The following SERPINB9 variants were observed in gnomAD, a reference collection of about 807,000 sequenced individuals.
The protein encoded by SERPINB9 is serpin family B member 9, also known as serpin B9.
SERPINB9 carries 20 observed loss-of-function variants against 27.2 expected under a neutral mutation model. The ratio of observed to expected loss-of-function variants is 0.74; its 90% CI spans 0.52 to 1.07. SERPINB9 has a LOEUF of 1.07. Ranked by LOEUF, SERPINB9 falls within the 50% of genes least tolerant of loss-of-function variation. The probability of loss-of-function intolerance (pLI) is 0.00; values close to 1 mark genes in which losing one functional copy is unlikely to be tolerated. For missense variants in SERPINB9, 476 were observed against 460.1 expected (o/e 1.03, Z -0.32); for synonymous variants, 189 against 180.0 (o/e 1.05, Z -0.40).
At position 2,891,688 on chromosome 6, in the gene SERPINB9, C is replaced by A. The variant is rs1767802537; in HGVS notation, c.723+145G>T. On this transcript the variant is annotated intron_variant, in intron 6 of 6. Transcript: ENST00000380698. The surrounding 1 kb of genome is among the most constrained non-coding windows in gnomAD (Gnocchi z 4.0). ...AATATTGGGAAAAGTCAGCCTTGAA[C>A]AAAAGTTCGATCCCAACGCCAAGTG... 1 of 880,282 alleles carries A rather than the reference C, an allele frequency of 1.1e-6. No individual in the cohort carries two copies. Among genetic ancestry groups the A allele is most frequent in the African/African-American group, 1.7e-5 (1 of 57,872 alleles). 54.5% of individuals were successfully genotyped at this position (880,282 alleles called of 1,614,324 possible). A position where few individuals can be genotyped will look rare whatever the true frequency, so the allele number is the denominator to read the frequency against.
rs1027972599 is a variant in SERPINB9, at chr6:2,891,011, G to A, written c.724-441C>T. Among the ~76,000 whole-genome samples, 8 of 152,160 alleles carry A rather than the reference G, an allele frequency of 5.3e-5. No individual in the cohort carries two copies. The highest frequency in any genetic ancestry group is 3.8e-4 in the East Asian group (2 of 5,202). Reference sequence around the variant, plus strand: ...CCAGGTGAGATTCTGCATAGTTTCCGGAGCAGAGAGGTTACCAGAGGATTA... The same window carrying A: ...CCAGGTGAGATTCTGCATAGTTTCCAGAGCAGAGAGGTTACCAGAGGATTA... On this transcript the variant is annotated intron_variant, in intron 6 of 6. Transcript: ENST00000380698. This position sits in a 1 kb window ranked among gnomAD's most constrained non-coding sequence, Gnocchi z 4.0.
rs1018300577 is a variant in SERPINB9 at position 2,887,470 on chromosome 6, C to T, written c.*2693G>A. ...TTCAAGAGCCAATAAATGCATAGAA[C>T]ACTTTCACCACTAATAAAAGAAATG... On this transcript the variant is annotated 3_prime_UTR_variant, in exon 7 of 7. Transcript: ENST00000380698. 1 of 152,136 alleles carries T rather than the reference C, an allele frequency of 6.6e-6. No individual in the cohort carries two copies. Among genetic ancestry groups the T allele is most frequent in the African/African-American group, 2.4e-5 (1 of 41,420 alleles). 9.4% of individuals were successfully genotyped at this position (152,136 alleles called of 1,614,324 possible). A position where few individuals can be genotyped will look rare whatever the true frequency, so the allele number is the denominator to read the frequency against.
intron 1 of SERPINB9, among the ~76,000 whole-genome samples, chr6:2,902,971 C>T (rs998817172): frequency 6.6e-6 from 1 of 152,214 alleles, no homozygotes; most frequent in African/African-American, 2.4e-5. Context: ...AGGAGACATC[C>T]GGGAGGGAGG....
rs1475393998 is a variant in SERPINB9, at chr6:2,888,777, TAAC to T, written c.*1383_*1385del. 6.6e-6 allele frequency: 1 copy of T among 152,152 alleles called. No individual in the cohort carries two copies. The highest frequency in any genetic ancestry group is 2.4e-5 in the African/African-American group (1 of 41,428). The allele number at this position is 152,152 out of a possible 1,614,324, so 9.4% of individuals were successfully genotyped here. A position where few individuals can be genotyped will look rare whatever the true frequency, so the allele number is the denominator to read the frequency against. The stretch of plus-strand genomic sequence containing the variant: ...AAAGGTGGTGGTTATGCAACATTGT[TAAC>T]AATACTAAGTGGCACTGAACTTCTC... On this transcript the variant is annotated 3_prime_UTR_variant, in exon 7 of 7. Coordinates refer to ENST00000380698, the MANE Select transcript of SERPINB9 (RefSeq NM_004155.6).
In SERPINB9 at chr6:2,890,317, C is replaced by T. The variant is rs760340465; in HGVS notation, c.977G>A (p.Gly326Asp). The T allele has an allele frequency of 3.7e-6, 6 of 1,614,210 alleles. No individual in the cohort carries two copies. Among genetic ancestry groups the T allele is most frequent in the Non-Finnish European group, 3.4e-6 (4 of 1,180,032 alleles). ...HKSFVEVNEE[G>D]TEAAAASSCF... is the part of the protein sequence containing the mutation. ...GCTCGACGCTGCCGCTGCCTCGGTG[C>T]CTTCTTCATTCACCTCCACAAAACT... Residue 326 changes from glycine to aspartate, a missense_variant, in exon 7 of 7, where the codon GGC becomes GAC. Gly to Asp is a moderately conservative substitution (Grantham distance 94). Transcript: ENST00000380698. The surrounding 1 kb of genome is among the most constrained non-coding windows in gnomAD (Gnocchi z 6.2).
chr6:2,902,078 GC>G (rs1471727512), intron 1 of SERPINB9, among the ~76,000 whole-genome samples: 1 of 152,126 alleles, frequency 6.6e-6, no homozygotes. Flanking sequence ...TTACCCACCT[GC>G]CCCCTCCCTT....
chr6:2,902,928 G>GCAGGGGAGGGCTTCGGC (rs1768250567), intron 1 of SERPINB9, among the ~76,000 whole-genome samples: 3 of 152,228 alleles, frequency 2.0e-5, no homozygotes, highest in Admixed American at 1.3e-4. Context: ...GGAGGAGGCT[G>GCAGGGGAGGGCTTCGGC]CAGGGGAGGG....
At chr6:2,893,649 T>C (rs1767900876) in intron 4 of SERPINB9, 96 bp from the exon 5 acceptor site, 3 of 1,144,300 alleles carry the variant, frequency 2.6e-6, no homozygotes, top group South Asian at 3.1e-5. Flanking sequence ...AAACTTCTGT[T>C]TTCAACTTTG....
rs756179047 is a variant in SERPINB9 at position 2,891,850 on chromosome 6, C to G, written c.706G>C (p.Gly236Arg). 2 of 1,606,890 alleles carry G rather than the reference C, an allele frequency of 1.2e-6. No homozygotes were observed. The highest frequency in any genetic ancestry group is 2.2e-5 in the South Asian group (2 of 90,980). The part of the protein sequence containing the change: ...LSLLVLLPDD[G>R]VELSTVEKSL... ...GGTCTTACCGTGCTGAGCTCCACGC[C>G]GTCGTCAGGCAGCAGCACCAGCAGG... is the stretch of plus-strand genomic sequence containing the variant. Residue 236 changes from glycine to arginine, a missense_variant, in exon 6 of 7, where the codon GGC (glycine) becomes CGC (arginine). Gly to Arg is a moderately radical substitution (Grantham distance 125). Transcript: ENST00000380698. The surrounding 1 kb of genome is among the most constrained non-coding windows in gnomAD (Gnocchi z 4.0).
Position 2,889,897 on chromosome 6 carries a change from A to C in SERPINB9, c.*266T>G, listed in dbSNP as rs1475119720. The C allele has an allele frequency of 2.8e-6, 1 of 359,392 alleles. No individual in the cohort carries two copies. The highest frequency in any genetic ancestry group is 2.0e-5 in the African/African-American group (1 of 49,980). The allele number at this position is 359,392 out of a possible 1,614,324, so 22.3% of individuals were successfully genotyped here. ...TGAATTGCATGTGGAATTCTAGAAG[A>C]ACTTTGCTTGCCATCCTATGGGATT... is the stretch of plus-strand genomic sequence containing the variant. On this transcript the variant is annotated 3_prime_UTR_variant, in exon 7 of 7. Transcript: ENST00000380698.
Position 2,891,562 on chromosome 6 carries a change from C to G in SERPINB9, c.723+271G>C, listed in dbSNP as rs1767799533. 6.6e-6 allele frequency among the ~76,000 whole-genome samples: 1 copy of G among 152,132 alleles called. No individual in the cohort carries two copies. The highest frequency in any genetic ancestry group is 2.1e-4 in the South Asian group (1 of 4,826). ...CTAGCAGGATTTTTATAAGCTTCCTCCTACCTGATTTATTTTAAAAGGCAT... is the reference window on the plus strand; with the variant it reads ...CTAGCAGGATTTTTATAAGCTTCCTGCTACCTGATTTATTTTAAAAGGCAT... On this transcript the variant is annotated intron_variant, in intron 6 of 6. Coordinates refer to ENST00000380698, the MANE Select transcript of SERPINB9 (RefSeq NM_004155.6). The surrounding 1 kb of genome is among the most constrained non-coding windows in gnomAD (Gnocchi z 4.0).
chr6:2,888,434 C>A lies in SERPINB9; in HGVS notation c.*1729G>T, dbSNP rs1767666687. 1.3e-5 allele frequency: 2 copies of A among 152,134 alleles called. No individual in the cohort carries two copies. The highest frequency in any genetic ancestry group is 2.9e-5 in the Non-Finnish European group (2 of 68,028). The allele number at this position is 152,134 out of a possible 1,614,324, so 9.4% of individuals were successfully genotyped here. ...CAATAGCCAAAAGTCAGAAACAACC[C>A]AAAGTCCATCAATGAATGAGTGGAT... On this transcript the variant is annotated 3_prime_UTR_variant, in exon 7 of 7. Transcript: ENST00000380698.
chr6:2,893,345 A>C (rs1469507647), intron 5 of SERPINB9, 66 bp downstream of exon 5: 16 of 1,521,358 alleles, frequency 1.1e-5, no homozygotes, highest in Non-Finnish European at 1.4e-5. Flanking sequence ...TTACACTTTT[A>C]CAAAGTTAAA....
Position 2,891,860 on chromosome 6 carries a change from C to A in SERPINB9, c.696G>T (p.Leu232=), listed in dbSNP as rs1267503886. 6.2e-7 allele frequency: 1 copy of A among 1,609,416 alleles called. No individual in the cohort carries two copies. Among genetic ancestry groups the A allele is most frequent in the Non-Finnish European group, 8.5e-7 (1 of 1,179,388 alleles). Residue 232 remains leucine, a synonymous_variant, in exon 6 of 7, where the codon CTG becomes CTT. Transcript: ENST00000380698. This position sits in a 1 kb window ranked among gnomAD's most constrained non-coding sequence, Gnocchi z 4.0. The part of the protein sequence containing the change: ...ARKELSLLVL[L]PDDGVELSTV... ...TGCTGAGCTCCACGCCGTCGTCAGG[C>A]AGCAGCACCAGCAGGCTCAGCTCCT...
rs61100591 is a variant in SERPINB9 at position 2,900,885 on chromosome 6, T to TCTCTCACACACACACACACACACACA, written c.-10-265_-10-264insTGTGTGTGTGTGTGTGTGTGTGAGAG. ...TGGCTCGCCTGCAGAGCTCGCTCTC[T>TCTCTCACACACACACACACACACACA]CACACACACACACACACACACACAC... On this transcript the variant is annotated intron_variant, in intron 1 of 6. Transcript: ENST00000380698. Among the ~76,000 whole-genome samples the TCTCTCACACACACACACACACACACA allele has an allele frequency of 2.8e-3, 399 of 141,560 alleles. 1 individual carries two copies. Among genetic ancestry groups the TCTCTCACACACACACACACACACACA allele is most frequent in the African/African-American group, 5.8e-3 (207 of 35,836 alleles). 92.9% of individuals were successfully genotyped at this position (141,560 alleles called of 152,430 possible).
intron 2 of SERPINB9, among the ~76,000 whole-genome samples, chr6:2,897,138 A>C (rs944940605): frequency 1.1e-4 from 17 of 150,594 alleles, no homozygotes; most frequent in Admixed American, 6.6e-4. Context: ...AAAAAAAAAA[A>C]ACACAAAAAA....
At chr6:2,900,885 T>TCTCACACACACACACA (rs61100591) in intron 1 of SERPINB9, among the ~76,000 whole-genome samples, 8,730 of 141,466 alleles carry the variant, frequency 0.062, 307 homozygotes, top group South Asian at 0.076. Context: ...GCTCGCTCTC[T>TCTCACACACACACACA]CACACACACA....
intron 2 of SERPINB9, among the ~76,000 whole-genome samples, chr6:2,899,443 C>T (rs2113616119): frequency 6.6e-6 from 1 of 152,314 alleles, no homozygotes; most frequent in East Asian, 1.9e-4. Context: ...CCCATCCAAC[C>T]TCACACTGAC....
In SERPINB9 at chr6:2,893,468, C is replaced by T. The variant is rs766169975; in HGVS notation, c.510G>A (p.Lys170=). 1 of 1,613,542 alleles carries T rather than the reference C, an allele frequency of 6.2e-7. No individual in the cohort carries two copies. The highest frequency in any genetic ancestry group is 1.7e-5 in the Admixed American group (1 of 59,936). Residue 170 remains lysine, a synonymous_variant, in exon 5 of 7, where the codon AAG becomes AAA. Coordinates refer to ENST00000380698, the MANE Select transcript of SERPINB9 (RefSeq NM_004155.6). ...ATGTTTCGTCAAACGGTTCATTCCA[C>T]TTTCCTTTGAAGTAGATGGCATTGA... is the stretch of plus-strand genomic sequence containing the variant. The part of the protein sequence containing the change: ...VLVNAIYFKG[K]WNEPFDETYT...
Sources: allele counts gnomAD v4.1 joint callset (sites outside exome capture counted in the v4.1 genomes callset), GRCh38; gene constraint gnomAD v4.1.1; non-coding constraint Gnocchi (gnomAD v3.1); transcripts MANE v1.5; gene names NCBI Gene and HGNC (gene_info 2026-07-23, HGNC 2026-07-21).